DDX19A: variants seen among roughly 807,000 people sequenced by gnomAD.
DDX19A encodes the protein DEAD-box helicase 19A.
In DDX19A, 12 loss-of-function variants were observed where a neutral mutation model predicts 60.6. The ratio of observed to expected loss-of-function variants is 0.20; its 90% CI spans 0.13 to 0.32. The LOEUF (loss-of-function observed/expected upper bound fraction) is 0.32, where lower values mean the gene tolerates loss of function less well. Among genes scored for constraint, DDX19A ranks in the 10% least tolerant of loss-of-function variants. The pLI is 1.00. For missense variants in DDX19A, 337 were observed against 600.6 expected (o/e 0.56, Z 4.59); for synonymous variants, 206 against 218.2 (o/e 0.94, Z 0.49).
intron 4 of DDX19A, among the ~76,000 whole-genome samples, chr16:70,358,284 A>G (rs778081489): frequency 1.1e-4 from 17 of 151,612 alleles, no homozygotes; most frequent in Non-Finnish European, 2.1e-4. Context: ...GCCCGCCTCA[A>G]CCTCCCAGGC....
chr16:70,373,163 G>GC lies in DDX19A; in HGVS notation c.*1177_*1178insC, dbSNP rs2047307879. The GC allele has an allele frequency of 1.3e-5, 2 of 152,178 alleles. No homozygotes were observed. The highest frequency in any genetic ancestry group is 1.3e-4 in the Admixed American group (2 of 15,260). 9.4% of individuals were successfully genotyped at this position (152,178 alleles called of 1,614,324 possible). On this transcript the variant is annotated 3_prime_UTR_variant, in exon 12 of 12. Transcript: ENST00000302243. ...AGGTAGGAGGATCGCTTGAGCCTGG[G>GC]TAGAGGCTGCTGTGAGCTGAAATGG...
chr16:70,368,198 A>G lies in DDX19A; in HGVS notation c.1020+1337A>G, dbSNP rs566827733. ...CTCAAAACAAGGAAACATACAATGC[A>G]ATGATACAGTGATAACAGTAATATA... On this transcript the variant is annotated intron_variant, in intron 9 of 11. Transcript: ENST00000302243. Among the ~76,000 whole-genome samples the G allele has an allele frequency of 1.2e-4, 18 of 152,300 alleles. No homozygotes were observed. The South Asian group carries it at 2.3e-3, about 19-fold the overall frequency.
chr16:70,350,238 G>A (rs1427804970), intron 1 of DDX19A, among the ~76,000 whole-genome samples: 2 of 152,202 alleles, frequency 1.3e-5, no homozygotes, highest in African/African-American at 4.8e-5. Context: ...AGGTGACAGA[G>A]TGAGACCTTG....
chr16:70,371,619 G>A (rs1964691080), intron 11 of DDX19A, 56 bp downstream of exon 11: 1 of 876,234 alleles, frequency 1.1e-6, no homozygotes, highest in Non-Finnish European at 1.7e-6. Flanking sequence ...GGGCGGGGTG[G>A]TGAAAGGGGT....
rs377735304 is a variant in DDX19A at position 70,370,210 on chromosome 16, T to C, written c.1021-13T>C. On this transcript the variant is annotated splice_polypyrimidine_tract_variant and intron_variant, in intron 9 of 11. Coordinates refer to ENST00000302243, the MANE Select transcript of DDX19A (RefSeq NM_018332.5). ...CAAATACTTTCATTTCTCAATTGTT[T>C]TTTTTCTTCCAGACTCGCAAAACAG... 6.2e-7 allele frequency: 1 copy of C among 1,604,062 alleles called. No individual in the cohort carries two copies. The highest frequency in any genetic ancestry group is 8.5e-7 in the Non-Finnish European group (1 of 1,177,524).
At chr16:70,366,354 G>A in intron 8 of DDX19A, 92 bp downstream of exon 8, 3 of 1,563,892 alleles carry the variant, frequency 1.9e-6, no homozygotes, top group Non-Finnish European at 2.6e-6. Flanking sequence ...TTCTGCCTGG[G>A]TCTTGGCTCT....
chr16:70,361,326 A>C (rs1964358724), intron 4 of DDX19A, 92 bp from the exon 5 acceptor site: 1 of 975,702 alleles, frequency 1.0e-6, no homozygotes, highest in South Asian at 1.3e-5. Context: ...GGTAGGAGGC[A>C]TCATTCCTTT....
intron 10 of DDX19A, chr16:70,370,601 C>A: frequency 1.5e-6 from 1 of 687,974 alleles, no homozygotes; most frequent in Non-Finnish European, 2.2e-6. Context: ...AATCCCAAGG[C>A]AGGAAAATTG....
At chr16:70,353,665 C>T (rs8043683) in intron 2 of DDX19A, among the ~76,000 whole-genome samples, 1,988 of 148,890 alleles carry the variant, frequency 0.013, 34 homozygotes, top group African/African-American at 0.045. Context: ...CTTTGGGAGG[C>T]TGAGGCGGGT....
In DDX19A at chr16:70,357,366, G is replaced by GTTTTTTTTTTTTTTTTTTTTT. The variant is rs71151183; in HGVS notation, c.293+1135_293+1155dup. On this transcript the variant is annotated intron_variant, in intron 4 of 11. Coordinates refer to ENST00000302243, the MANE Select transcript of DDX19A (RefSeq NM_018332.5). Reference sequence around the variant, plus strand: ...AATCTGTCAAATCTGTTTTTGGTTTGTTTTTTTTTTTTTTTTTTTTTTTTT... The same window carrying GTTTTTTTTTTTTTTTTTTTTT: ...AATCTGTCAAATCTGTTTTTGGTTTGTTTTTTTTTTTTTTTTTTTTTTTTTTTTTTTTTTTTTTTTTTTTTT... 3.1e-4 allele frequency among the ~76,000 whole-genome samples: 14 copies of GTTTTTTTTTTTTTTTTTTTTT among 44,578 alleles called. 6 individuals carry two copies. The highest frequency in any genetic ancestry group is 1.2e-3 in the African/African-American group (13 of 11,254). 29.2% of individuals were successfully genotyped at this position (44,578 alleles called of 152,430 possible).
intron 2 of DDX19A, among the ~76,000 whole-genome samples, chr16:70,351,021 G>A (rs1319443631): frequency 1.3e-5 from 2 of 151,036 alleles, no homozygotes; most frequent in African/African-American, 2.4e-5. Context: ...TGGGACTACA[G>A]GCGCTTGCCA....
chr16:70,370,326 T>C lies in DDX19A; in HGVS notation c.1124T>C (p.Ile375Thr), dbSNP rs1387477634. ...ATGGTGGAGCAGAGGGCTGCGGTGA[T>C]TGAGCGCTTCCGAGAGGGCAAAGAG... Reference protein sequence around the residue: ...EMMVEQRAAVIERFREGKEKV... With the variant: ...EMMVEQRAAVTERFREGKEKV... The change falls in exon 10 of 12, where the codon ATT becomes ACT. Residue 375 changes from isoleucine (I) to threonine (T), a missense_variant. By Grantham distance (89) the Ile-to-Thr change is moderately conservative. Around this residue, in one of 6 missense-constraint regions of DDX19A, gnomAD observed 117 missense variants for 274.3 expected, o/e 0.43. Transcript: ENST00000302243. 6.2e-7 allele frequency: 1 copy of C among 1,613,798 alleles called. No individual in the cohort carries two copies. The highest frequency in any genetic ancestry group is 8.5e-7 in the Non-Finnish European group (1 of 1,179,896).
At chr16:70,362,566 C>T (rs1228578499) in intron 5 of DDX19A, among the ~76,000 whole-genome samples, 3 of 152,080 alleles carry the variant, frequency 2.0e-5, no homozygotes, top group African/African-American at 7.2e-5. Flanking sequence ...CCACATCCTT[C>T]TCCCACCCTG....
rs754369950 is a variant in DDX19A, at chr16:70,361,438, G to A, written c.314G>A (p.Gly105Glu). ...ELRLKPQLLQ[G>E]VYAMGFNRPS... is the part of the protein sequence containing the mutation. ...CCTAGGAAACCACAGCTTCTCCAGG[G>A]AGTCTATGCCATGGGCTTCAATCGA... The change falls in exon 5 of 12, where the codon GGA becomes GAA. Residue 105 changes from glycine (G) to glutamate (E), a missense_variant. Gly to Glu is a moderately conservative substitution (Grantham distance 98, BLOSUM62 -2). Transcript: ENST00000302243. 1.5e-5 allele frequency: 25 copies of A among 1,613,768 alleles called. No individual in the cohort carries two copies. Among genetic ancestry groups the A allele is most frequent in the Non-Finnish European group, 2.0e-5 (24 of 1,179,874 alleles).
chr16:70,366,575 T>C (rs1389168044), intron 8 of DDX19A, 49 bp from the exon 9 acceptor site: 2 of 1,610,628 alleles, frequency 1.2e-6, no homozygotes, highest in South Asian at 1.1e-5. Context: ...TGTGCTTCCG[T>C]TGCTTCCCAG....
chr16:70,365,788 T>C (rs1964502310), intron 7 of DDX19A: 1 of 438,984 alleles, frequency 2.3e-6, no homozygotes, highest in Admixed American at 3.5e-5. Flanking sequence ...TCAAAATAAA[T>C]AAATAAATAA....
At position 70,365,883 on chromosome 16, in the gene DDX19A, G is replaced by C. The variant is rs1423574570; in HGVS notation, c.605-202G>C. On this transcript the variant is annotated intron_variant, in intron 7 of 11. Coordinates refer to ENST00000302243, the MANE Select transcript of DDX19A (RefSeq NM_018332.5). Reference sequence around the variant, plus strand: ...ATTGAAGGATTGCTGTGTGGGATTTGATCCTGACCACAGTGCACTGAGATA... The same window carrying C: ...ATTGAAGGATTGCTGTGTGGGATTTCATCCTGACCACAGTGCACTGAGATA... 6 of 691,528 alleles carry C rather than the reference G, an allele frequency of 8.7e-6. No homozygotes were observed. The African/African-American group carries it at 1.1e-4, about 12-fold the overall frequency. 42.8% of individuals were successfully genotyped at this position (691,528 alleles called of 1,614,324 possible). A position where few individuals can be genotyped will look rare whatever the true frequency, so the allele number is the denominator to read the frequency against.
chr16:70,358,355 A>G (rs1964275185), intron 4 of DDX19A, among the ~76,000 whole-genome samples: 1 of 152,026 alleles, frequency 6.6e-6, no homozygotes, highest in African/African-American at 2.4e-5. Context: ...TTAAAAATAG[A>G]GATGTGGTGT....
chr16:70,356,908 T>C, intron 4 of DDX19A: 1 of 1,217,496 alleles, frequency 8.2e-7, no homozygotes, highest in Non-Finnish European at 1.1e-6. Flanking sequence ...TCTGATTAGG[T>C]AAGCCCTTAA....
Sources: allele counts gnomAD v4.1 joint callset (sites outside exome capture counted in the v4.1 genomes callset), GRCh38; gene constraint gnomAD v4.1.1; regional missense constraint gnomAD v4.1.1; transcripts MANE v1.5; gene names NCBI Gene and HGNC (gene_info 2026-07-23, HGNC 2026-07-21).